The following EXPH5 variants were observed in gnomAD, a reference collection of about 807,000 sequenced individuals.
The protein encoded by EXPH5 is exophilin-5.
Under a neutral mutation model 41.1 loss-of-function variants are expected in EXPH5, and 42 were observed. That is an observed-to-expected ratio of 1.02 (90% confidence interval 0.80 to 1.32). The LOEUF (loss-of-function observed/expected upper bound fraction) is 1.32. EXPH5 is among the 40% of genes most tolerant of loss of function. The probability of loss-of-function intolerance (pLI) is 0.00; values close to 1 mark genes in which losing one functional copy is unlikely to be tolerated. For missense variants in EXPH5, 2,298 were observed against 2,314.5 expected, an observed-to-expected ratio of 0.99 and a Z score of 0.15; for synonymous variants, 798 against 833.5, an observed-to-expected ratio of 0.96 and a Z score of 0.73.
intron 4 of EXPH5, among the ~76,000 whole-genome samples, chr11:108,526,594 G>A (rs2093800829): frequency 6.6e-6 from 1 of 152,210 alleles, no homozygotes; most frequent in South Asian, 2.1e-4. Context: ...AAAGCTGGAT[G>A]GGGAGGTCAT....
intron 4 of EXPH5, among the ~76,000 whole-genome samples, chr11:108,526,298 C>G (rs756667346): frequency 1.2e-4 from 19 of 152,122 alleles, no homozygotes; most frequent in Non-Finnish European, 2.9e-5. Flanking sequence ...TTGCCCAGCT[C>G]TTGCCTTTTA....
In EXPH5 at chr11:108,513,679, T is replaced by C. The variant is rs760778368; in HGVS notation, c.1828A>G (p.Ile610Val). ...QQDSSPVEVHINKEASSFGIA... is the reference protein window; with the variant it reads ...QQDSSPVEVHVNKEASSFGIA... Reference sequence around the variant, plus strand: ...CCAAATGAGGAAGCTTCTTTGTTTATATGTACTTCTACAGGAGAACTGTCC... The same window carrying C: ...CCAAATGAGGAAGCTTCTTTGTTTACATGTACTTCTACAGGAGAACTGTCC... The change falls in exon 6 of 6, where the codon ATA becomes GTA. Residue 610 changes from isoleucine to valine, a missense_variant. By Grantham distance (29) the Ile-to-Val change is conservative. Transcript: ENST00000265843. 1.2e-6 allele frequency: 2 copies of C among 1,612,466 alleles called. No individual in the cohort carries two copies. The highest frequency in any genetic ancestry group is 3.3e-5 in the Admixed American group (2 of 59,726).
chr11:108,512,284 G>C lies in EXPH5; in HGVS notation c.3223C>G (p.Pro1075Ala). Reference sequence around the variant, plus strand: ...TTGGAACATTCATTCGCTGACTCAGGAGAACTGGGACTAAATTTGTTTAAC... The same window carrying C: ...TTGGAACATTCATTCGCTGACTCAGCAGAACTGGGACTAAATTTGTTTAAC... ...YMLNKFSPSS[P>A]ESANECSKVL... Residue 1075 changes from proline (P) to alanine (A), a missense_variant, in exon 6 of 6, where the codon CCT becomes GCT. Physicochemically the swap from Pro to Ala is conservative, Grantham distance 27 (BLOSUM62 -1). Transcript: ENST00000265843. 6.2e-7 allele frequency: 1 copy of C among 1,613,556 alleles called. No homozygotes were observed. The highest frequency in any genetic ancestry group is 1.3e-5 in the African/African-American group (1 of 74,988).
chr11:108,513,203 CT>C lies in EXPH5; in HGVS notation c.2303del (p.Lys768SerfsTer66), dbSNP rs1307714391. 3 of 1,613,906 alleles carry C rather than the reference CT, an allele frequency of 1.9e-6. No individual in the cohort carries two copies. Among genetic ancestry groups the C allele is most frequent in the Non-Finnish European group, 2.5e-6 (3 of 1,180,022 alleles). ...FNASTIISSK[K>X]SPRVFSRKDT... The stretch of plus-strand genomic sequence containing the variant: ...CTTTCCTGGAAAAGACTCTGGGTGA[CT>C]TTTTTGAACTTATTATGGTAGATGC... On this transcript the variant is annotated frameshift_variant, in exon 6 of 6. Coordinates refer to ENST00000265843, the MANE Select transcript of EXPH5 (RefSeq NM_015065.3). LOFTEE classifies it low-confidence loss of function (END_TRUNC).
chr11:108,574,583 G>C (rs2094073930), intron 1 of EXPH5, among the ~76,000 whole-genome samples: 1 of 152,122 alleles, frequency 6.6e-6, no homozygotes. Context: ...CTGCCTTCTA[G>C]AATGCATTTC....
At chr11:108,515,932 C>T (rs999061549) in intron 5 of EXPH5, among the ~76,000 whole-genome samples, 2 of 151,842 alleles carry the variant, frequency 1.3e-5, no homozygotes, top group African/African-American at 2.4e-5. Context: ...ATTAGCCGGG[C>T]GTGGTGGCGG....
At chr11:108,581,746 C>G (rs936152826) in intron 1 of EXPH5, among the ~76,000 whole-genome samples, 1 of 151,854 alleles carries the variant, frequency 6.6e-6, no homozygotes, top group Non-Finnish European at 1.5e-5. Context: ...ATTTGATAAA[C>G]CTTTAACACG....
intron 3 of EXPH5, among the ~76,000 whole-genome samples, chr11:108,529,248 T>C (rs779494570): frequency 3.3e-5 from 5 of 152,224 alleles, no homozygotes; most frequent in Non-Finnish European, 7.3e-5. Flanking sequence ...GAACAAGTAT[T>C]CTTTTACTAT....
At chr11:108,556,893 T>C (rs2093992441) in intron 1 of EXPH5, among the ~76,000 whole-genome samples, 1 of 152,248 alleles carries the variant, frequency 6.6e-6, no homozygotes, top group Non-Finnish European at 1.5e-5. Flanking sequence ...CTCTGTGGTC[T>C]TCAAGGCTGC....
chr11:108,524,098 G>T (rs1487601384), intron 4 of EXPH5, among the ~76,000 whole-genome samples: 1 of 151,934 alleles, frequency 6.6e-6, no homozygotes, highest in Non-Finnish European at 1.5e-5. Context: ...AGACACTGAA[G>T]ATTTGTAATA....
chr11:108,511,534 T>A lies in EXPH5; in HGVS notation c.3973A>T (p.Thr1325Ser). ...KMSVNSDQTL[T>S]TENMTAFRLS... ...CGGAAGGCAGTCATATTTTCAGTGG[T>A]GAGCGTCTGATCAGAGTTGACGGAC... The change falls in exon 6 of 6, where the codon ACC (threonine) becomes TCC (serine). Residue 1325 changes from threonine (T) to serine (S), a missense_variant. Transcript: ENST00000265843. 6.2e-7 allele frequency: 1 copy of A among 1,609,240 alleles called. No individual in the cohort carries two copies. Among genetic ancestry groups the A allele is most frequent in the Non-Finnish European group, 8.5e-7 (1 of 1,178,612 alleles).
intron 1 of EXPH5, among the ~76,000 whole-genome samples, chr11:108,563,157 G>A (rs1345840982): frequency 1.3e-5 from 2 of 152,210 alleles, no homozygotes; most frequent in Non-Finnish European, 2.9e-5. Context: ...TAACTGGTAC[G>A]ACTGGAAGAG....
In EXPH5 at chr11:108,558,675, C is replaced by T. The variant is rs116099227; in HGVS notation, c.120-16863G>A. 6.4e-3 allele frequency among the ~76,000 whole-genome samples: 978 copies of T among 152,226 alleles called. 9 individuals are homozygous for T. Among genetic ancestry groups the T allele is most frequent in the African/African-American group, 0.021 (881 of 41,552 alleles). On this transcript the variant is annotated intron_variant, in intron 1 of 5. Transcript: ENST00000265843. Reference sequence around the variant, plus strand: ...GAAAAGGACACATGATTCCAGATTCCAACTGACAATAACTTTATAGAAAAT... The same window carrying T: ...GAAAAGGACACATGATTCCAGATTCTAACTGACAATAACTTTATAGAAAAT...
chr11:108,522,167 A>G (rs1259398425), intron 4 of EXPH5, among the ~76,000 whole-genome samples: 1 of 151,928 alleles, frequency 6.6e-6, no homozygotes, highest in Non-Finnish European at 1.5e-5. Flanking sequence ...CTCAACTGTA[A>G]CTCTGCAAGG....
rs1033457748 is a variant in EXPH5 at position 108,514,192 on chromosome 11, G to C, written c.1315C>G (p.Pro439Ala). The C allele has an allele frequency of 1.2e-6, 2 of 1,614,178 alleles. No individual in the cohort carries two copies. Among genetic ancestry groups the C allele is most frequent in the African/African-American group, 2.7e-5 (2 of 75,054 alleles). Reference protein sequence around the residue: ...LNAPMENAMSPDTFENSENMP... With the variant: ...LNAPMENAMSADTFENSENMP... ...TTCTCTGAGTTCTCAAAAGTGTCGG[G>C]ACTCATTGCATTCTCCATGGGAGCA... Residue 439 changes from proline (P) to alanine (A), a missense_variant, in exon 6 of 6, where the codon CCC (proline) becomes GCC (alanine). By Grantham distance (27) the Pro-to-Ala change is conservative. Coordinates refer to ENST00000265843, the MANE Select transcript of EXPH5 (RefSeq NM_015065.3).
At chr11:108,551,140 G>A (rs1338840703) in intron 1 of EXPH5, among the ~76,000 whole-genome samples, 1 of 152,182 alleles carries the variant, frequency 6.6e-6, no homozygotes, top group African/African-American at 2.4e-5. Flanking sequence ...TTTACAGAGA[G>A]GACATGGAAG....
chr11:108,573,114 A>T (rs2094066427), intron 1 of EXPH5, among the ~76,000 whole-genome samples: 1 of 149,782 alleles, frequency 6.7e-6, no homozygotes, highest in African/African-American at 2.5e-5. Flanking sequence ...AGAAAGAAAG[A>T]AAAAGAAAAG....
the EXPH5 span, among the ~76,000 whole-genome samples, chr11:108,603,063 C>T: frequency 2.0e-5 from 3 of 152,160 alleles, no homozygotes; most frequent in African/African-American, 7.2e-5. Flanking sequence ...TTGCACTTCT[C>T]TCTCCTGCCA....
chr11:108,599,411 A>G, the EXPH5 span, among the ~76,000 whole-genome samples: 1 of 152,334 alleles, frequency 6.6e-6, no homozygotes, highest in East Asian at 1.9e-4. Context: ...GTGTATATAC[A>G]TATATACAAA....
Sources: gnomAD v4.1 joint callset for allele counts (sites outside exome capture counted in the v4.1 genomes callset) on GRCh38, gnomAD v4.1.1 for gene constraint, MANE v1.5 for transcripts, NCBI Gene and HGNC (gene_info 2026-07-23, HGNC 2026-07-21) for gene names.